ANGEL1: variants seen among roughly 807,000 people sequenced by gnomAD.
ANGEL1 encodes angel homolog 1, also known as RNA 2',3'-cyclic phosphatase ANGEL1.
ANGEL1 carries 62 observed loss-of-function variants against 76.4 expected under a neutral mutation model. That is an observed-to-expected ratio of 0.81 (90% CI 0.66 to 1.00). The LOEUF is 1.00. Among genes scored for constraint, ANGEL1 ranks in the 50% least tolerant of loss-of-function variants. The probability of loss-of-function intolerance (pLI) is 0.00; values close to 1 mark genes in which losing one functional copy is unlikely to be tolerated. For missense variants in ANGEL1, 737 were observed against 836.7 expected, an observed-to-expected ratio of 0.88 and a Z score of 1.47; for synonymous variants, 340 against 331.7, an observed-to-expected ratio of 1.03 and a Z score of -0.27.
chr14:76,807,074 G>C (rs1894941573), intron 4 of ANGEL1, among the ~76,000 whole-genome samples: 1 of 152,194 alleles, frequency 6.6e-6, no homozygotes, highest in African/African-American at 2.4e-5. Context: ...AATGTAACAT[G>C]ATAGAAAAGA....
chr14:76,803,413 C>T lies in ANGEL1; in HGVS notation c.1576G>A (p.Val526Ile), dbSNP rs572227838. The T allele has an allele frequency of 2.1e-5, 34 of 1,614,234 alleles. No homozygotes were observed. The East Asian group carries it at 6.5e-4, about 31-fold the overall frequency. ...ACTCCTTCCATAAGGACCAGTCCTACTGGTCGCTGACAAGCGATGCTGCAG... is the reference window on the plus strand; with the variant it reads ...ACTCCTTCCATAAGGACCAGTCCTATTGGTCGCTGACAAGCGATGCTGCAG... ...RFCSIACQRP[V>I]GLVLMEGVTD... The change falls in exon 7 of 10, where the codon GTA becomes ATA. Residue 526 changes from valine (V) to isoleucine (I), a missense_variant. Physicochemically the swap from Val to Ile is conservative, Grantham distance 29. Transcript: ENST00000251089.
At chr14:76,792,790 C>A (rs1301500466) in intron 7 of ANGEL1, among the ~76,000 whole-genome samples, 1 of 152,158 alleles carries the variant, frequency 6.6e-6, no homozygotes, top group Non-Finnish European at 1.5e-5. Context: ...TAATATCATA[C>A]TTAATGGTGA....
At chr14:76,790,508 G>C (rs1363330970) in intron 9 of ANGEL1, 103 bp downstream of exon 9, 1 of 1,511,860 alleles carries the variant, frequency 6.6e-7, no homozygotes, top group African/African-American at 1.4e-5. Flanking sequence ...CTCCTTTGCT[G>C]GTTAAATCCC....
At chr14:76,790,532 A>G in intron 9 of ANGEL1, 79 bp downstream of exon 9, 1 of 1,534,242 alleles carries the variant, frequency 6.5e-7, no homozygotes, top group Non-Finnish European at 8.8e-7. Context: ...AGCTGAAGAC[A>G]TGCTACCAAA....
intron 7 of ANGEL1, among the ~76,000 whole-genome samples, chr14:76,796,354 T>C (rs1894577690): frequency 6.6e-6 from 1 of 151,804 alleles, no homozygotes; most frequent in African/African-American, 2.4e-5. Flanking sequence ...GCTCAAGTTA[T>C]CCTTTTACCT....
intron 2 of ANGEL1, among the ~76,000 whole-genome samples, chr14:76,808,509 T>C (rs8022398): frequency 0.16 from 24,165 of 148,680 alleles, 2,120 homozygotes; most frequent in African/African-American, 0.2. Flanking sequence ...TTTAGAGTAA[T>C]TGCAGCCCTG....
At chr14:76,806,020 A>G (rs989401576) in intron 5 of ANGEL1, among the ~76,000 whole-genome samples, 4 of 152,364 alleles carry the variant, frequency 2.6e-5, no homozygotes, top group South Asian at 4.1e-4. Flanking sequence ...AGGAACATAG[A>G]TATCACTGTA....
intron 1 of ANGEL1, chr14:76,812,228 G>C: frequency 1.0e-6 from 1 of 985,318 alleles, no homozygotes. Context: ...GTCTCTGATT[G>C]AACGTCCGTT....
chr14:76,806,282 A>C (rs17104890), intron 5 of ANGEL1, 134 bp downstream of exon 5: 105,485 of 928,212 alleles, frequency 0.11, 6,724 homozygotes, highest in East Asian at 0.25. Context: ...CAAGCTATTC[A>C]ACATAACAAG....
intron 1 of ANGEL1, among the ~76,000 whole-genome samples, chr14:76,810,484 CTAGA>C (rs554300856): frequency 2.0e-5 from 3 of 151,602 alleles, no homozygotes; most frequent in South Asian, 2.1e-4. Context: ...CAAGTTTGAA[CTAGA>C]TAATCTCTGA....
Position 76,789,373 on chromosome 14 carries a change from C to T in ANGEL1, c.1868G>A (p.Arg623Gln), listed in dbSNP as rs760271205. The T allele has an allele frequency of 2.5e-6, 4 of 1,614,132 alleles. No homozygotes were observed. Among genetic ancestry groups the T allele is most frequent in the East Asian group, 2.2e-5 (1 of 44,880 alleles). ...ACCCAGGAGCTTGAGAGTTCCATCTCGATACAGCCTGTGATCTGGGGCACA... is the reference window on the plus strand; with the variant it reads ...ACCCAGGAGCTTGAGAGTTCCATCTTGATACAGCCTGTGATCTGGGGCACA... The part of the protein sequence containing the change: ...NGNRTDHRLY[R>Q]DGTLKLLGRL... Residue 623 changes from arginine to glutamine, a missense_variant, in exon 10 of 10, where the codon CGA becomes CAA. By Grantham distance (43) the Arg-to-Gln change is conservative. Transcript: ENST00000251089.
rs1452375161 is a variant in ANGEL1 at position 76,803,375 on chromosome 14, C to T, written c.1614G>A (p.Lys538=). The change falls in exon 7 of 10, where the codon AAG becomes AAA. Residue 538 remains lysine, a synonymous_variant. Coordinates refer to ENST00000251089, the MANE Select transcript of ANGEL1 (RefSeq NM_015305.4). ...ACTGGGATTAGTTCCCATTACCTGG[C>T]TTAGTATCTGTCACTCCTTCCATAA... ...LVLMEGVTDT[K]PERPAGWAES... is the part of the protein sequence containing the mutation. 7 of 1,613,536 alleles carry T rather than the reference C, an allele frequency of 4.3e-6. No individual in the cohort carries two copies. Among genetic ancestry groups the T allele is most frequent in the Non-Finnish European group, 5.9e-6 (7 of 1,179,620 alleles).
At position 76,807,489 on chromosome 14, in the gene ANGEL1, T is replaced by C; in HGVS notation, c.890A>G (p.Gln297Arg). 1.2e-6 allele frequency: 2 copies of C among 1,613,608 alleles called. No homozygotes were observed. The highest frequency in any genetic ancestry group is 8.5e-7 in the Non-Finnish European group (1 of 1,179,844). ...CCAGTAATGATCTTCCTGGACTTCCTGGAGACACAGGATCTGGGAAATTGA... is the reference window on the plus strand; with the variant it reads ...CCAGTAATGATCTTCCTGGACTTCCCGGAGACACAGGATCTGGGAAATTGA... ...QHWDPDILCL[Q>R]EVQEDHYWEQ... is the part of the protein sequence containing the mutation. The change falls in exon 4 of 10, where the codon CAG (glutamine) becomes CGG (arginine). Residue 297 changes from glutamine to arginine, a missense_variant. Gln to Arg is a conservative substitution (Grantham distance 43). Around this residue, in one of 2 missense-constraint regions of ANGEL1, gnomAD observed 441 missense variants for 449.5 expected, o/e 0.98. Transcript: ENST00000251089.
At chr14:76,790,157 A>T (rs111901392) in intron 9 of ANGEL1, among the ~76,000 whole-genome samples, 56 of 152,236 alleles carry the variant, frequency 3.7e-4, no homozygotes, top group African/African-American at 1.2e-3. Flanking sequence ...CCAGTAATAC[A>T]CGTGCCTGGC....
chr14:76,811,851 A>G lies in ANGEL1; in HGVS notation c.64+913T>C, dbSNP rs1264348643. Among the ~76,000 whole-genome samples the G allele has an allele frequency of 1.3e-5, 2 of 152,174 alleles. 1 individual carries two copies. The highest frequency in any genetic ancestry group is 4.8e-5 in the African/African-American group (2 of 41,422). On this transcript the variant is annotated intron_variant, in intron 1 of 9. Transcript: ENST00000251089. ...ATGGCAGATACACAGTAAAATTTAA[A>G]ATATTTCTATATGAAATATATATTA...
rs752952166 is a variant in ANGEL1 at position 76,809,050 on chromosome 14, C to G, written c.649+9G>C. The G allele has an allele frequency of 3.8e-6, 6 of 1,598,666 alleles. No individual in the cohort carries two copies. In the East Asian group the frequency reaches 1.1e-4, roughly 30 times the overall value. ...TCCCTTGGCTCACTCAACCAGTTGTCAGACTCACCATGATATGGTATTTCC... is the reference window on the plus strand; with the variant it reads ...TCCCTTGGCTCACTCAACCAGTTGTGAGACTCACCATGATATGGTATTTCC... On this transcript the variant is annotated intron_variant, in intron 2 of 9. Coordinates refer to ENST00000251089, the MANE Select transcript of ANGEL1 (RefSeq NM_015305.4).
At chr14:76,803,038 A>G (rs535042720) in intron 7 of ANGEL1, among the ~76,000 whole-genome samples, 1 of 152,290 alleles carries the variant, frequency 6.6e-6, no homozygotes, top group Non-Finnish European at 1.5e-5. Flanking sequence ...TCACCTTATG[A>G]TTTTCAAAGC....
chr14:76,804,446 C>T, intron 5 of ANGEL1: 1 of 993,372 alleles, frequency 1.0e-6, no homozygotes, highest in Non-Finnish European at 1.2e-6. Context: ...GTAGGGGAAA[C>T]ATTCGGCAAC....
At chr14:76,802,974 A>C (rs970137961) in intron 7 of ANGEL1, among the ~76,000 whole-genome samples, 5 of 152,224 alleles carry the variant, frequency 3.3e-5, no homozygotes, top group Admixed American at 3.3e-4. Context: ...ACTCTGCTAT[A>C]TTCAATCTGA....
Sources: gnomAD v4.1 joint callset for allele counts (sites outside exome capture counted in the v4.1 genomes callset) on GRCh38, gnomAD v4.1.1 for gene constraint, gnomAD v4.1.1 regional missense constraint, MANE v1.5 for transcripts, NCBI Gene and HGNC (gene_info 2026-07-23, HGNC 2026-07-21) for gene names.